The following DGKB variants were observed in gnomAD, a reference collection of about 807,000 sequenced individuals.
DGKB encodes the protein 90 kDa diacylglycerol kinase.
In DGKB, 67 loss-of-function variants were observed where a neutral mutation model predicts 114.3. The observed-to-expected ratio is 0.59, with a 90% CI of 0.48 to 0.72. The LOEUF (loss-of-function observed/expected upper bound fraction) is 0.72, where lower values mean the gene tolerates loss of function less well. Ranked by LOEUF, DGKB falls within the 30% of genes least tolerant of loss-of-function variation. DGKB has a pLI of 0.00. For synonymous variants in DGKB, 398 were observed against 323.1 expected (o/e 1.23, Z -2.49); for missense variants, 907 against 975.2 (o/e 0.93, Z 0.93).
At position 14,958,353 on chromosome 7, in the gene DGKB, T is replaced by C. The variant is rs914976960; in HGVS notation, c.-188+16343A>G. Among the ~76,000 whole-genome samples the C allele has an allele frequency of 2.0e-5, 3 of 151,056 alleles. No individual in the cohort carries two copies. In the Admixed American group the frequency reaches 2.0e-4, roughly 10 times the overall value. On this transcript the variant is annotated intron_variant, in intron 1 of 4. Transcript: ENST00000437998. ...ATTTTAGACAAATAAAGGGAGTAGA[T>C]GTCAGACAGTGAATGTGTTACACAG...
chr7:14,461,862 T>C (rs1047606490), intron 21 of DGKB, among the ~76,000 whole-genome samples: 1 of 152,068 alleles, frequency 6.6e-6, no homozygotes, highest in African/African-American at 2.4e-5. Context: ...CTCAGTAAAA[T>C]ACTGGCAAAG....
At chr7:14,582,947 A>G (rs1563583588) in intron 18 of DGKB, 105 bp downstream of exon 18, 12 of 805,572 alleles carry the variant, frequency 1.5e-5, no homozygotes, top group Non-Finnish European at 2.3e-5. Context: ...GTCCAATTAT[A>G]TCACTGCTTC....
intron 2 of DGKB, among the ~76,000 whole-genome samples, chr7:14,819,524 A>G (rs1465340845): frequency 1.3e-5 from 2 of 152,178 alleles, no homozygotes; most frequent in African/African-American, 4.8e-5. Context: ...TGGGAGGCGG[A>G]GGTTGCAGTG....
At chr7:14,480,047 T>A (rs558896790) in intron 20 of DGKB, among the ~76,000 whole-genome samples, 3 of 151,872 alleles carry the variant, frequency 2.0e-5, no homozygotes, top group Non-Finnish European at 4.4e-5. Context: ...GTAGTACAAT[T>A]TTTTTTACAG....
At chr7:14,471,962 G>T (rs2128891564) in intron 21 of DGKB, among the ~76,000 whole-genome samples, 1 of 152,186 alleles carries the variant, frequency 6.6e-6, no homozygotes, top group Non-Finnish European at 1.5e-5. Context: ...ACCTATCTTT[G>T]TTTCATTCCA....
intron 1 of DGKB, among the ~76,000 whole-genome samples, chr7:14,894,078 T>C (rs1158787210): frequency 1.3e-5 from 2 of 151,238 alleles, no homozygotes; most frequent in African/African-American, 4.8e-5. Flanking sequence ...TATATATTAA[T>C]AGATGCTCCC....
intron 2 of DGKB, among the ~76,000 whole-genome samples, chr7:14,784,948 T>A (rs1839669798): frequency 6.6e-6 from 1 of 152,162 alleles, no homozygotes; most frequent in Non-Finnish European, 1.5e-5. Context: ...GCCACACTAC[T>A]GGTCTCTCAT....
At chr7:14,789,557 G>A (rs1030203845) in intron 2 of DGKB, among the ~76,000 whole-genome samples, 3 of 152,002 alleles carry the variant, frequency 2.0e-5, no homozygotes, top group Non-Finnish European at 4.4e-5. Context: ...TTAAAGATTT[G>A]TGTATAGGCC....
chr7:14,911,935 A>G (rs1326100754), intron 1 of DGKB, among the ~76,000 whole-genome samples: 1 of 152,218 alleles, frequency 6.6e-6, no homozygotes, highest in Non-Finnish European at 1.5e-5. Context: ...AGAAAAAAGG[A>G]AAGTCTGGCT....
intron 20 of DGKB, among the ~76,000 whole-genome samples, chr7:14,480,942 A>T (rs1416774303): frequency 6.6e-6 from 1 of 152,074 alleles, no homozygotes; most frequent in Non-Finnish European, 1.5e-5. Flanking sequence ...TAAATGACAT[A>T]TTTTTGAAAT....
chr7:14,430,031 T>A (rs778408157), intron 21 of DGKB, among the ~76,000 whole-genome samples: 1 of 152,182 alleles, frequency 6.6e-6, no homozygotes, highest in African/African-American at 2.4e-5. Flanking sequence ...TGCTTTTTAC[T>A]GATTGTTTGC....
intron 23 of DGKB, among the ~76,000 whole-genome samples, chr7:14,266,207 C>T (rs969237668): frequency 9.2e-5 from 14 of 152,110 alleles, no homozygotes; most frequent in South Asian, 2.1e-4. Context: ...CTTCAAATTG[C>T]GCCTAAATAA....
intron 20 of DGKB, among the ~76,000 whole-genome samples, chr7:14,535,082 A>AT (rs1267719175): frequency 1.3e-5 from 2 of 152,200 alleles, no homozygotes; most frequent in African/African-American, 2.4e-5. Flanking sequence ...TTTAAAAAGA[A>AT]TAAATGGCAA....
intron 20 of DGKB, among the ~76,000 whole-genome samples, chr7:14,496,125 A>C (rs1785273122): frequency 6.6e-6 from 1 of 151,864 alleles, no homozygotes; most frequent in Admixed American, 6.6e-5. Context: ...CATTTTTAAA[A>C]AATTTACGGA....
chr7:14,817,315 A>T (rs1844292331), intron 2 of DGKB, among the ~76,000 whole-genome samples: 1 of 152,254 alleles, frequency 6.6e-6, no homozygotes, highest in Admixed American at 6.5e-5. Flanking sequence ...CAATCATAAT[A>T]CATGTATAGT....
At chr7:14,343,157 CCACACACACACACACACACACA>C (rs3067654) in intron 22 of DGKB, among the ~76,000 whole-genome samples, 1 of 132,850 alleles carries the variant, frequency 7.5e-6, no homozygotes, top group Non-Finnish European at 1.6e-5. Flanking sequence ...GCCTAGCTAT[CCACACACACACACACACACACA>C]CACACACACA....
intron 23 of DGKB, among the ~76,000 whole-genome samples, chr7:14,197,400 A>G (rs1785183278): frequency 6.6e-6 from 1 of 152,086 alleles, no homozygotes; most frequent in Non-Finnish European, 1.5e-5. Flanking sequence ...CCGTAAAAAA[A>G]AAAAGCAAAG....
intron 21 of DGKB, among the ~76,000 whole-genome samples, chr7:14,396,900 A>T (rs1332602784): frequency 6.6e-6 from 1 of 152,166 alleles, no homozygotes; most frequent in Non-Finnish European, 1.5e-5. Flanking sequence ...ACTAATTCAG[A>T]GGAAGACGAA....
chr7:14,295,709 A>C (rs1802423680), intron 23 of DGKB, among the ~76,000 whole-genome samples: 1 of 152,168 alleles, frequency 6.6e-6, no homozygotes, highest in East Asian at 1.9e-4. Flanking sequence ...CTTTTTAAAA[A>C]ATTATTATTA....
Sources: gnomAD v4.1 joint callset for allele counts (sites outside exome capture counted in the v4.1 genomes callset) on GRCh38, gnomAD v4.1.1 for gene constraint, MANE v1.5 for transcripts, NCBI Gene and HGNC (gene_info 2026-07-23, HGNC 2026-07-21) for gene names.